CSMD3: variants seen among roughly 807,000 people sequenced by gnomAD.
CSMD3 encodes the protein CUB and Sushi multiple domains 3, also known as CUB and sushi domain-containing protein 3.
In CSMD3, 177 loss-of-function variants were observed where a neutral mutation model predicts 435.2. That is an observed-to-expected ratio of 0.41 (90% CI 0.36 to 0.46). The LOEUF is 0.46. CSMD3 is among the 20% of genes least tolerant of loss of function. The pLI, the probability that CSMD3 is intolerant of heterozygous loss-of-function variation, is 0.34. For synonymous variants in CSMD3, 1,656 were observed against 1,520.5 expected (o/e 1.09, Z -2.07); for missense variants, 4,265 against 4,504.6 (o/e 0.95, Z 1.52).
At chr8:113,264,228 G>T (rs749934557) in intron 3 of CSMD3, among the ~76,000 whole-genome samples, 69 of 151,246 alleles carry the variant, frequency 4.6e-4, no homozygotes, top group Non-Finnish European at 8.9e-4. Flanking sequence ...CACTATTTTT[G>T]CACTATCAAT....
chr8:112,777,959 C>A (rs929376686), intron 13 of CSMD3, among the ~76,000 whole-genome samples: 2 of 151,766 alleles, frequency 1.3e-5, no homozygotes, highest in African/African-American at 2.4e-5. Flanking sequence ...CCACCTTAAG[C>A]TTTCCAATGC....
intron 16 of CSMD3, among the ~76,000 whole-genome samples, chr8:112,672,585 C>A (rs1446588099): frequency 6.6e-6 from 1 of 152,062 alleles, no homozygotes; most frequent in Non-Finnish European, 1.5e-5. Context: ...TGTTCTGCAG[C>A]TCCAAGACTC....
intron 16 of CSMD3, among the ~76,000 whole-genome samples, chr8:112,681,270 T>A (rs531969850): frequency 9.6e-4 from 146 of 151,754 alleles, no homozygotes; most frequent in Admixed American, 1.6e-3. Context: ...GCCAGAATGG[T>A]CTCAATCTCC....
At chr8:112,395,932 A>T (rs541049890) in intron 35 of CSMD3, among the ~76,000 whole-genome samples, 88 of 152,154 alleles carry the variant, frequency 5.8e-4, no homozygotes, top group Non-Finnish European at 1.0e-3. Flanking sequence ...GTAATTAAGA[A>T]AGGCTTGGAA....
chr8:113,199,599 G>T (rs2092696380), intron 3 of CSMD3, among the ~76,000 whole-genome samples: 1 of 151,538 alleles, frequency 6.6e-6, no homozygotes, highest in African/African-American at 2.4e-5. Flanking sequence ...CTACTCTATA[G>T]GTTGAAAGGG....
At chr8:112,913,153 G>C (rs1043989971) in intron 10 of CSMD3, among the ~76,000 whole-genome samples, 4 of 151,800 alleles carry the variant, frequency 2.6e-5, no homozygotes, top group African/African-American at 7.3e-5. Flanking sequence ...TAGTACCCTA[G>C]AGCAGTGGTC....
chr8:113,027,465 T>C (rs948603823), intron 5 of CSMD3, among the ~76,000 whole-genome samples: 3 of 152,190 alleles, frequency 2.0e-5, no homozygotes, highest in African/African-American at 7.2e-5. Context: ...GTGCAAGTCA[T>C]GTATGTAGAG....
In CSMD3 at chr8:112,457,575, A is replaced by T. The variant is rs181260317; in HGVS notation, c.5395+15016T>A. Among the ~76,000 whole-genome samples, 216 of 152,224 alleles carry T rather than the reference A, an allele frequency of 1.4e-3. 1 individual carries two copies. Among genetic ancestry groups the T allele is most frequent in the Non-Finnish European group, 2.5e-3 (170 of 67,980 alleles). On this transcript the variant is annotated intron_variant, in intron 32 of 70. Transcript: ENST00000297405. ...AAATGTTCAAGAAATGTAATTTCTC[A>T]TCTTATCCAGAGTTTTATCTAAATG...
intron 38 of CSMD3, among the ~76,000 whole-genome samples, chr8:112,370,371 C>T (rs1215875753): frequency 5.3e-5 from 8 of 152,186 alleles, no homozygotes; most frequent in South Asian, 2.1e-4. Flanking sequence ...AGCATTAGAA[C>T]TGCAGAACAT....
chr8:112,797,887 T>TTACCTAATTTATATAGGCCTAATATAAA, intron 13 of CSMD3, among the ~76,000 whole-genome samples: 2 of 151,892 alleles, frequency 1.3e-5, no homozygotes, highest in Non-Finnish European at 2.9e-5. Context: ...TTGCTTAGTA[T>TTACCTAATTTATATAGGCCTAATATAAA]TACCTAATTT....
At chr8:113,203,567 T>A in intron 3 of CSMD3, among the ~76,000 whole-genome samples, 1 of 151,988 alleles carries the variant, frequency 6.6e-6, no homozygotes, top group Middle Eastern at 3.4e-3. Flanking sequence ...TCAAATGCTC[T>A]CTATATATGT....
chr8:113,272,512 G>A (rs573085644), intron 3 of CSMD3, among the ~76,000 whole-genome samples: 1 of 150,450 alleles, frequency 6.6e-6, no homozygotes, highest in African/African-American at 2.4e-5. Context: ...CATGTAAGAA[G>A]TGTGTTTGGG....
Position 112,352,269 on chromosome 8 carries a change from A to G in CSMD3, c.6255+147T>C. 3 of 1,189,912 alleles carry G rather than the reference A, an allele frequency of 2.5e-6. No homozygotes were observed. The Admixed American group carries it at 6.2e-5, about 25-fold the overall frequency. The allele number at this position is 1,189,912 out of a possible 1,614,324, so 73.7% of individuals were successfully genotyped here. ...AATTCCAGCAATATTTCTCATGTGCATATTTTATTATCAAATTGAGCACCC... is the reference window on the plus strand; with the variant it reads ...AATTCCAGCAATATTTCTCATGTGCGTATTTTATTATCAAATTGAGCACCC... On this transcript the variant is annotated intron_variant, in intron 39 of 70. Coordinates refer to ENST00000297405, the MANE Select transcript of CSMD3 (RefSeq NM_198123.2).
At chr8:112,829,917 AC>A in intron 11 of CSMD3, 128 bp from the exon 12 acceptor site, 1 of 556,954 alleles carries the variant, frequency 1.8e-6, no homozygotes. Flanking sequence ...ACACACACAC[AC>A]ACACACACAA....
chr8:112,236,470 C>T (rs1813608384), intron 67 of CSMD3, among the ~76,000 whole-genome samples: 1 of 151,806 alleles, frequency 6.6e-6, no homozygotes, highest in African/African-American at 2.4e-5. Flanking sequence ...AATATAGACA[C>T]ATAATGAATA....
At chr8:113,079,521 A>C (rs1202708426) in intron 5 of CSMD3, among the ~76,000 whole-genome samples, 1 of 152,086 alleles carries the variant, frequency 6.6e-6, no homozygotes, top group African/African-American at 2.4e-5. Context: ...CAAAGACTGC[A>C]TCTGAGGTTG....
At chr8:112,917,364 A>C (rs1395592927) in intron 10 of CSMD3, among the ~76,000 whole-genome samples, 1 of 151,936 alleles carries the variant, frequency 6.6e-6, no homozygotes, top group Non-Finnish European at 1.5e-5. Flanking sequence ...TGAAATAGGA[A>C]AGAATTTTTG....
In CSMD3 at chr8:113,326,577, C is replaced by G. The variant is rs375321637; in HGVS notation, c.179-11784G>C. 4.7e-4 allele frequency among the ~76,000 whole-genome samples: 71 copies of G among 152,118 alleles called. No individual in the cohort carries two copies. In the South Asian group the frequency reaches 0.015, roughly 31 times the overall value. On this transcript the variant is annotated intron_variant, in intron 1 of 70. Transcript: ENST00000297405. ...TAAGCTTGTGAAGTACATATTAGTA[C>G]GCTCTACATTTTAAAGATGAAGAAA... is the stretch of plus-strand genomic sequence containing the variant.
chr8:113,215,339 G>A (rs933267121), intron 3 of CSMD3, among the ~76,000 whole-genome samples: 2 of 151,748 alleles, frequency 1.3e-5, no homozygotes, highest in Non-Finnish European at 1.5e-5. Context: ...TACACAAAAG[G>A]AAAGATAAAA....
Sources: allele counts gnomAD v4.1 joint callset (sites outside exome capture counted in the v4.1 genomes callset), GRCh38; gene constraint gnomAD v4.1.1; transcripts MANE v1.5; gene names NCBI Gene and HGNC (gene_info 2026-07-23, HGNC 2026-07-21).